The following LEPR variants were observed in gnomAD, a reference collection of about 807,000 sequenced individuals.
LEPR encodes the protein OB receptor.
In LEPR, 56 loss-of-function variants were observed where a neutral mutation model predicts 114.7. The ratio of observed to expected loss-of-function variants is 0.49; its 90% CI spans 0.39 to 0.61. The LOEUF is 0.61. Among genes scored for constraint, LEPR ranks in the 20% least tolerant of loss-of-function variants. The probability of loss-of-function intolerance (pLI) is 0.00; values close to 1 mark genes in which losing one functional copy is unlikely to be tolerated. For missense variants in LEPR, 1,202 were observed against 1,352.9 expected (o/e 0.89, Z 1.75); for synonymous variants, 443 against 461.4 (o/e 0.96, Z 0.51).
chr1:65,425,480 A>G, intron 2 of LEPR, 102 bp downstream of exon 2: 2 of 917,668 alleles, frequency 2.2e-6, no homozygotes, highest in Admixed American at 3.1e-5. Context: ...AGTTCTAACC[A>G]GTGAGTTAGT....
chr1:65,545,434 G>C (rs1303586216), intron 2 of LEPR, among the ~76,000 whole-genome samples: 1 of 151,474 alleles, frequency 6.6e-6, no homozygotes, highest in African/African-American at 2.4e-5. Flanking sequence ...CAGTGTAAAA[G>C]TGTTCCTATT....
At chr1:65,470,025 TG>T (rs1289343321) in intron 2 of LEPR, among the ~76,000 whole-genome samples, 4 of 152,334 alleles carry the variant, frequency 2.6e-5, no homozygotes, top group East Asian at 1.9e-4. Context: ...GGCTTTATTC[TG>T]GGGGGAAATG....
chr1:65,605,196 C>T lies in LEPR; in HGVS notation c.1562C>T (p.Ser521Leu). Residue 521 changes from serine (S) to leucine (L), a missense_variant, in exon 11 of 20, where the codon TCA (serine) becomes TTA (leucine). By Grantham distance (145) the Ser-to-Leu change is moderately radical. Coordinates refer to ENST00000349533, the MANE Select transcript of LEPR (RefSeq NM_002303.6). ...ATTAGGATCAATCACTCTCTAGGTT[C>T]ACTTGACTCTCCACCAACATGTGTC... is the stretch of plus-strand genomic sequence containing the variant. ...MWIRINHSLG[S>L]LDSPPTCVLP... 1.2e-6 allele frequency: 2 copies of T among 1,614,114 alleles called. No individual in the cohort carries two copies. The highest frequency in any genetic ancestry group is 2.2e-5 in the South Asian group (2 of 91,084).
intron 7 of LEPR, among the ~76,000 whole-genome samples, chr1:65,597,581 G>T (rs1296117759): frequency 1.3e-5 from 2 of 152,078 alleles, no homozygotes; most frequent in African/African-American, 4.8e-5. Flanking sequence ...GAACAGCAGT[G>T]CAAAGGATGG....
chr1:65,445,018 A>G (rs1646696418), intron 2 of LEPR, among the ~76,000 whole-genome samples: 1 of 152,206 alleles, frequency 6.6e-6, no homozygotes, highest in African/African-American at 2.4e-5. Flanking sequence ...ATGCCAATCT[A>G]AATGGGCTGC....
At chr1:65,518,898 TTTC>T (rs1649449930) in intron 2 of LEPR, among the ~76,000 whole-genome samples, 1 of 84,376 alleles carries the variant, frequency 1.2e-5, no homozygotes, top group Non-Finnish European at 2.8e-5. Context: ...TCTTTCTTTC[TTTC>T]TTTCTTTCTT....
chr1:65,513,961 G>A (rs1649158984), intron 2 of LEPR, among the ~76,000 whole-genome samples: 1 of 152,154 alleles, frequency 6.6e-6, no homozygotes, highest in East Asian at 1.9e-4. Context: ...GCTCATTTAT[G>A]AGAAATAGGC....
At chr1:65,478,486 T>C (rs1282241700) in intron 2 of LEPR, among the ~76,000 whole-genome samples, 1 of 152,196 alleles carries the variant, frequency 6.6e-6, no homozygotes, top group Non-Finnish European at 1.5e-5. Context: ...GAGATGTATT[T>C]AGTCAGCTTT....
chr1:65,434,211 T>A, intron 2 of LEPR: 2 of 981,216 alleles, frequency 2.0e-6, no homozygotes, highest in Non-Finnish European at 2.4e-6. Context: ...TGCCTAAATA[T>A]CATTTAAACA....
chr1:65,549,934 C>A (rs6688114), intron 2 of LEPR, among the ~76,000 whole-genome samples: 1 of 152,110 alleles, frequency 6.6e-6, no homozygotes, highest in Admixed American at 6.5e-5. Context: ...TTTTCCCCAT[C>A]TTTGTGGTTT....
At chr1:65,485,734 A>C (rs553492486) in intron 2 of LEPR, among the ~76,000 whole-genome samples, 1 of 152,238 alleles carries the variant, frequency 6.6e-6, no homozygotes, top group African/African-American at 2.4e-5. Context: ...TCCATTACCA[A>C]TTTGTACAGT....
intron 2 of LEPR, among the ~76,000 whole-genome samples, chr1:65,507,145 G>A (rs1227610958): frequency 1.3e-5 from 2 of 151,994 alleles, no homozygotes; most frequent in African/African-American, 4.8e-5. Flanking sequence ...CTGCCTCCTG[G>A]GTTCAAACGA....
intron 2 of LEPR, among the ~76,000 whole-genome samples, chr1:65,502,895 G>C (rs1220487778): frequency 6.6e-6 from 1 of 151,682 alleles, no homozygotes; most frequent in East Asian, 1.9e-4. Context: ...GGGAGCTATG[G>C]AGCTACTGGG....
intron 2 of LEPR, among the ~76,000 whole-genome samples, chr1:65,452,138 G>A (rs553134070): frequency 2.0e-5 from 3 of 152,230 alleles, no homozygotes; most frequent in African/African-American, 7.2e-5. Context: ...TGTATCCTGA[G>A]ACTTTGCTGA....
At chr1:65,425,657 A>C (rs1646348009) in intron 2 of LEPR, among the ~76,000 whole-genome samples, 1 of 151,756 alleles carries the variant, frequency 6.6e-6, no homozygotes, top group African/African-American at 2.4e-5. Flanking sequence ...GAGGAGGTAA[A>C]GTTCTAGTTG....
In LEPR at chr1:65,601,500, G is replaced by A; in HGVS notation, c.1103G>A (p.Trp368Ter). The change falls in exon 9 of 20, where the codon TGG (tryptophan) becomes TAG (stop). Residue 368 changes from tryptophan to a stop codon, truncating the protein, a stop_gained. Transcript: ENST00000349533. LOFTEE classifies it high-confidence loss of function. ...NKIVPSKEIV[W>*]WMNLAEKIPQ... ...ATTGTTCCCTCAAAAGAGATTGTTT[G>A]GTGGATGAATTTAGCTGAGAAAATT... 6.2e-7 allele frequency: 1 copy of A among 1,613,702 alleles called. No homozygotes were observed. Among genetic ancestry groups the A allele is most frequent in the Non-Finnish European group, 8.5e-7 (1 of 1,179,700 alleles).
chr1:65,510,984 C>T lies in LEPR; in HGVS notation c.-20-54562C>T, dbSNP rs574765401. Among the ~76,000 whole-genome samples the T allele has an allele frequency of 2.6e-5, 4 of 152,188 alleles. No homozygotes were observed. The South Asian group carries it at 8.3e-4, about 32-fold the overall frequency. On this transcript the variant is annotated intron_variant, in intron 2 of 19. Coordinates refer to ENST00000349533, the MANE Select transcript of LEPR (RefSeq NM_002303.6). ...CAATAGACACTCCCACTGCACCCCA[C>T]CCTGGGTGACAGAGTGAGACCCTGT...
In LEPR at chr1:65,616,148, T is replaced by C; in HGVS notation, c.2136T>C (p.Val712=). ...TGTGGACAGAGCAAGCACATACTGT[T>C]ACGGTTCTGGCCATCAATTCAATTG... ...TFLWTEQAHT[V]TVLAINSIGA... is the part of the protein sequence containing the mutation. The change falls in exon 15 of 20, where the codon GTT becomes GTC. Residue 712 remains valine (V), a synonymous_variant. Transcript: ENST00000349533. The C allele has an allele frequency of 6.2e-7, 1 of 1,614,198 alleles. No individual in the cohort carries two copies. The highest frequency in any genetic ancestry group is 8.5e-7 in the Non-Finnish European group (1 of 1,180,014).
chr1:65,488,105 TTC>T (rs943183677), intron 2 of LEPR, among the ~76,000 whole-genome samples: 9 of 145,204 alleles, frequency 6.2e-5, no homozygotes, highest in East Asian at 4.0e-4. Context: ...CCTTCTTTCT[TTC>T]TCTTTCTTTC....
Sources: allele counts gnomAD v4.1 joint callset (sites outside exome capture counted in the v4.1 genomes callset), GRCh38; gene constraint gnomAD v4.1.1; transcripts MANE v1.5; gene names NCBI Gene and HGNC (gene_info 2026-07-23, HGNC 2026-07-21).